RRM2B: variants seen among roughly 807,000 people sequenced by gnomAD.
The protein encoded by RRM2B is ribonucleoside-diphosphate reductase subunit M2 B.
A neutral mutation model predicts 45.9 loss-of-function variants in RRM2B; 20 were observed. The observed-to-expected ratio is 0.44, with a 90% CI of 0.31 to 0.63. RRM2B has a LOEUF of 0.63. Among genes scored for constraint, RRM2B ranks in the 30% least tolerant of loss-of-function variants. The pLI is 0.09. For synonymous variants in RRM2B, 124 were observed against 132.3 expected (o/e 0.94, Z 0.43); for missense variants, 320 against 414.7 (o/e 0.77, Z 1.98).
Position 102,238,952 on chromosome 8 carries a change from G to GCGGTCCGC in RRM2B, c.-79_-78insGCGGACCG, listed in dbSNP as rs1554613342. ...CACCTCCAACTACGACAGCACCCAGGTGGTCCGCTGGTCCGCTGGGTCCGC... is the reference window on the plus strand; with the variant it reads ...CACCTCCAACTACGACAGCACCCAGGCGGTCCGCTGGTCCGCTGGTCCGCTGGGTCCGC... On this transcript the variant is annotated 5_prime_UTR_variant, in exon 1 of 9. Coordinates refer to ENST00000251810, the MANE Select transcript of RRM2B (RefSeq NM_015713.5). The GCGGTCCGC allele has an allele frequency of 6.8e-7, 1 of 1,469,572 alleles. No individual in the cohort carries two copies. Among genetic ancestry groups the GCGGTCCGC allele is most frequent in the Admixed American group, 1.7e-5 (1 of 57,524 alleles). 91.0% of individuals were successfully genotyped at this position (1,469,572 alleles called of 1,614,324 possible).
intron 4 of RRM2B, 81 bp downstream of exon 4, chr8:102,224,804 A>T: frequency 1.5e-6 from 2 of 1,331,146 alleles, no homozygotes; most frequent in Non-Finnish European, 2.1e-6. Flanking sequence ...ATCTTTCCTT[A>T]ACATTGAGTT....
rs910971441 is a variant in RRM2B, at chr8:102,205,479, T to C, written c.*2654A>G. The C allele has an allele frequency of 6.6e-6, 1 of 152,136 alleles. No individual in the cohort carries two copies. Among genetic ancestry groups the C allele is most frequent in the Non-Finnish European group, 1.5e-5 (1 of 67,970 alleles). The allele number at this position is 152,136 out of a possible 1,614,324, so 9.4% of individuals were successfully genotyped here. A position where few individuals can be genotyped will look rare whatever the true frequency, so the allele number is the denominator to read the frequency against. ...TTAGTTGTAAGAAAAACTATTATTG[T>C]ATATAATTGGACAGCAAAACCCAGT... On this transcript the variant is annotated 3_prime_UTR_variant, in exon 9 of 9. Coordinates refer to ENST00000251810, the MANE Select transcript of RRM2B (RefSeq NM_015713.5).
intron 1 of RRM2B, among the ~76,000 whole-genome samples, chr8:102,236,472 G>A (rs946790530): frequency 8.5e-5 from 13 of 152,182 alleles, no homozygotes; most frequent in African/African-American, 3.1e-4. Context: ...ATGGAAATGA[G>A]GACTTGAATT....
At chr8:102,209,149 C>CA (rs1236272320) in intron 8 of RRM2B, among the ~76,000 whole-genome samples, 32 of 145,716 alleles carry the variant, frequency 2.2e-4, no homozygotes, top group South Asian at 1.5e-3. Flanking sequence ...GACTCCATTT[C>CA]AAAAAAAAAA....
At chr8:102,209,841 C>T (rs1179585537) in intron 8 of RRM2B, among the ~76,000 whole-genome samples, 2 of 152,062 alleles carry the variant, frequency 1.3e-5, no homozygotes, top group Non-Finnish European at 2.9e-5. Context: ...ATGAATGCAC[C>T]ATGAAAACAC....
At chr8:102,234,115 T>C (rs1232508345) in intron 1 of RRM2B, among the ~76,000 whole-genome samples, 8 of 152,230 alleles carry the variant, frequency 5.3e-5, no homozygotes, top group African/African-American at 1.7e-4. Flanking sequence ...GGAACTTCTA[T>C]ACTTTTGTTA....
chr8:102,224,185 TC>T, intron 4 of RRM2B, 45 bp from the exon 5 acceptor site: 2 of 1,308,734 alleles, frequency 1.5e-6, no homozygotes, highest in Non-Finnish European at 1.1e-6. Flanking sequence ...CACTTGTTTT[TC>T]TTTTTTTTTT....
chr8:102,226,169 G>T, intron 2 of RRM2B, 135 bp from the exon 3 acceptor site: 1 of 635,766 alleles, frequency 1.6e-6, no homozygotes, highest in Admixed American at 2.7e-5. Context: ...TGTTAGCACT[G>T]CAAAGAAATA....
intron 5 of RRM2B, among the ~76,000 whole-genome samples, chr8:102,221,458 T>C (rs545338117): frequency 2.6e-4 from 40 of 152,280 alleles, no homozygotes; most frequent in Non-Finnish European, 4.9e-4. Flanking sequence ...CTTCCTCAGC[T>C]GGTTAAAGGA....
chr8:102,225,043 T>C (rs376854869), intron 3 of RRM2B, 25 bp from the exon 4 acceptor site: 558 of 1,612,666 alleles, frequency 3.5e-4, no homozygotes, highest in Non-Finnish European at 4.4e-4. Flanking sequence ...AAAATAGATA[T>C]ATCCAGTTCT....
intron 2 of RRM2B, among the ~76,000 whole-genome samples, chr8:102,229,688 G>A (rs112308754): frequency 0.01 from 1,539 of 152,104 alleles, 16 homozygotes; most frequent in African/African-American, 0.034. Flanking sequence ...GGGCTCAAGC[G>A]ATTCTCCTGC....
At chr8:102,211,941 T>C (rs562764415) in intron 8 of RRM2B, among the ~76,000 whole-genome samples, 76 of 152,336 alleles carry the variant, frequency 5.0e-4, no homozygotes, top group African/African-American at 1.8e-3. Flanking sequence ...CACAGCATCA[T>C]AGATTTCATA....
At chr8:102,237,006 T>C (rs917100885) in intron 1 of RRM2B, among the ~76,000 whole-genome samples, 8 of 152,212 alleles carry the variant, frequency 5.3e-5, no homozygotes, top group African/African-American at 1.9e-4. Context: ...TTCTGTAAAA[T>C]AGCTGTATGT....
In RRM2B at chr8:102,218,813, C is replaced by G. The variant is rs1167718213; in HGVS notation, c.684+1G>C. On this transcript the variant is annotated splice_donor_variant, in intron 6 of 8. Transcript: ENST00000251810. LOFTEE classifies it high-confidence loss of function. ...AACTAGAAAAACATTCCATTCCTTA[C>G]TTCATCTCTGCTGATGAGTTCATTG... is the stretch of plus-strand genomic sequence containing the variant. 6.2e-7 allele frequency: 1 copy of G among 1,604,064 alleles called. No individual in the cohort carries two copies. The highest frequency in any genetic ancestry group is 1.3e-5 in the African/African-American group (1 of 74,576).
At chr8:102,233,738 C>A (rs1164968343) in intron 1 of RRM2B, among the ~76,000 whole-genome samples, 1 of 152,194 alleles carries the variant, frequency 6.6e-6, no homozygotes, top group Non-Finnish European at 1.5e-5. Flanking sequence ...AAAGTAAAAT[C>A]CATTTTCACC....
Position 102,205,079 on chromosome 8 carries a change from A to G in RRM2B, c.*3054T>C, listed in dbSNP as rs982293134. The G allele has an allele frequency of 6.6e-6, 1 of 152,210 alleles. No individual in the cohort carries two copies. Among genetic ancestry groups the G allele is most frequent in the Non-Finnish European group, 1.5e-5 (1 of 68,016 alleles). 9.4% of individuals were successfully genotyped at this position (152,210 alleles called of 1,614,324 possible). ...GCCATTCATCCAGATTCTGCTGGGG[A>G]AGATTTCCCAAGTCCACTACCAATT... On this transcript the variant is annotated 3_prime_UTR_variant, in exon 9 of 9. Transcript: ENST00000251810.
At chr8:102,211,014 G>A (rs1465408196) in intron 8 of RRM2B, among the ~76,000 whole-genome samples, 3 of 151,936 alleles carry the variant, frequency 2.0e-5, no homozygotes, top group African/African-American at 7.3e-5. Flanking sequence ...CAGAGAGAGA[G>A]AGAGAGAGAG....
At chr8:102,223,566 G>A (rs1199369939) in intron 5 of RRM2B, among the ~76,000 whole-genome samples, 1 of 151,918 alleles carries the variant, frequency 6.6e-6, no homozygotes, top group Non-Finnish European at 1.5e-5. Context: ...GTGGTGGTAG[G>A]TGCCTGTAAT....
chr8:102,209,309 C>A (rs1810597176), intron 8 of RRM2B, among the ~76,000 whole-genome samples: 1 of 152,044 alleles, frequency 6.6e-6, no homozygotes, highest in Non-Finnish European at 1.5e-5. Context: ...TTCAAGTAAC[C>A]CAATTTTAAA....
Sources: allele counts gnomAD v4.1 joint callset (sites outside exome capture counted in the v4.1 genomes callset), GRCh38; gene constraint gnomAD v4.1.1; transcripts MANE v1.5; gene names NCBI Gene and HGNC (gene_info 2026-07-23, HGNC 2026-07-21).